CSMD1: variants seen among roughly 807,000 people sequenced by gnomAD.
CSMD1 encodes the protein CUB and sushi domain-containing protein 1.
Under a neutral mutation model 417.5 loss-of-function variants are expected in CSMD1, and 213 were observed. The observed-to-expected ratio is 0.51, with a 90% CI of 0.46 to 0.57. The LOEUF (loss-of-function observed/expected upper bound fraction) is 0.57, where lower values mean the gene tolerates loss of function less well. Ranked by LOEUF, CSMD1 falls within the 20% of genes least tolerant of loss-of-function variation. The probability of loss-of-function intolerance (pLI) is 0.00; values close to 1 mark genes in which losing one functional copy is unlikely to be tolerated. For synonymous variants in CSMD1, 2,862 were observed against 1,736.8 expected, an observed-to-expected ratio of 1.65 and a Z score of -16.11; for missense variants, 6,923 against 4,529.7, an observed-to-expected ratio of 1.53 and a Z score of -15.17.
intron 16 of CSMD1, 83 bp from the exon 17 acceptor site, chr8:3,396,464 C>G (rs981413744): frequency 8.9e-5 from 87 of 981,574 alleles, no homozygotes; most frequent in Middle Eastern, 2.5e-4. Context: ...ATTCCTTAAT[C>G]AGAAACCCAT....
At chr8:3,227,585 T>G (rs1485526228) in intron 27 of CSMD1, among the ~76,000 whole-genome samples, 1 of 152,094 alleles carries the variant, frequency 6.6e-6, no homozygotes, top group Non-Finnish European at 1.5e-5. Context: ...TCAATATTGG[T>G]AGATTCAAAC....
intron 3 of CSMD1, among the ~76,000 whole-genome samples, chr8:4,109,647 T>A (rs1801749598): frequency 6.6e-6 from 1 of 152,280 alleles, no homozygotes; most frequent in African/African-American, 2.4e-5. Flanking sequence ...ATTGGCAACC[T>A]TGTAAGTTTG....
At chr8:3,358,451 G>A (rs556182704) in intron 21 of CSMD1, among the ~76,000 whole-genome samples, 22 of 152,134 alleles carry the variant, frequency 1.4e-4, no homozygotes, top group African/African-American at 4.8e-4. Context: ...AAGCTACAAC[G>A]GCAGTTACGA....
intron 14 of CSMD1, among the ~76,000 whole-genome samples, chr8:3,406,775 A>G (rs552508209): frequency 1.3e-5 from 2 of 152,348 alleles, no homozygotes; most frequent in East Asian, 3.9e-4. Context: ...TCATATTAAT[A>G]TTCTCTCACT....
At chr8:3,913,779 T>C (rs1303437574) in intron 5 of CSMD1, among the ~76,000 whole-genome samples, 1 of 152,094 alleles carries the variant, frequency 6.6e-6, no homozygotes, top group Non-Finnish European at 1.5e-5. Flanking sequence ...GATAAACAAC[T>C]TGTATCTTAA....
At chr8:3,941,152 C>G (rs1044487902) in intron 5 of CSMD1, among the ~76,000 whole-genome samples, 1 of 151,830 alleles carries the variant, frequency 6.6e-6, no homozygotes, top group Non-Finnish European at 1.5e-5. Context: ...GAAATAAAAG[C>G]ACATTTCAAA....
intron 52 of CSMD1, among the ~76,000 whole-genome samples, chr8:3,008,533 G>A (rs1483373444): frequency 6.6e-6 from 1 of 152,200 alleles, no homozygotes; most frequent in Non-Finnish European, 1.5e-5. Flanking sequence ...ACCTTGCTGA[G>A]AGAACAAAAG....
chr8:3,829,967 C>G (rs1281679496), intron 5 of CSMD1, among the ~76,000 whole-genome samples: 2 of 152,000 alleles, frequency 1.3e-5, no homozygotes, highest in Non-Finnish European at 2.9e-5. Flanking sequence ...AAAAATTTTG[C>G]TCATATGTTT....
At chr8:3,891,403 G>C (rs946087530) in intron 5 of CSMD1, among the ~76,000 whole-genome samples, 1 of 152,082 alleles carries the variant, frequency 6.6e-6, no homozygotes, top group African/African-American at 2.4e-5. Flanking sequence ...TCCGAGGCCA[G>C]GTATGGTGGC....
Position 2,978,657 on chromosome 8 carries a change from A to G in CSMD1, c.8521T>C (p.Cys2841Arg). ...FYLLGSSALT[C>R]MANGLWDRSL... Reference sequence around the variant, plus strand: ...CGGTCCCATAAGCCATTTGCCATACAGGTCAAGGCTGAAGATCCCAGCAAG... The same window carrying G: ...CGGTCCCATAAGCCATTTGCCATACGGGTCAAGGCTGAAGATCCCAGCAAG... Residue 2841 changes from cysteine (C) to arginine (R), a missense_variant, in exon 55 of 70, where the codon TGT (cysteine) becomes CGT (arginine). Cys to Arg is a radical substitution (Grantham distance 180, BLOSUM62 -3). Coordinates refer to ENST00000635120, the MANE Select transcript of CSMD1 (RefSeq NM_033225.6). 1 of 1,607,136 alleles carries G rather than the reference A, an allele frequency of 6.2e-7. No homozygotes were observed. The highest frequency in any genetic ancestry group is 8.5e-7 in the Non-Finnish European group (1 of 1,176,646).
At chr8:4,956,807 T>C (rs1809144070) in intron 1 of CSMD1, among the ~76,000 whole-genome samples, 1 of 152,184 alleles carries the variant, frequency 6.6e-6, no homozygotes, top group South Asian at 2.1e-4. Context: ...GATTTTCTCC[T>C]CCCACCTGTT....
At chr8:4,042,567 G>T (rs573062955) in intron 3 of CSMD1, among the ~76,000 whole-genome samples, 8 of 151,906 alleles carry the variant, frequency 5.3e-5, no homozygotes, top group Non-Finnish European at 1.0e-4. Flanking sequence ...TCCAGCGGAA[G>T]GTAATAGCAT....
intron 2 of CSMD1, among the ~76,000 whole-genome samples, chr8:4,457,367 T>C (rs10441634): frequency 0.044 from 6,748 of 152,128 alleles, 393 homozygotes; most frequent in African/African-American, 0.13. Flanking sequence ...GAAGAAGTGA[T>C]TGGGGCTTCC....
chr8:4,463,662 G>T (rs1457648708), intron 2 of CSMD1, among the ~76,000 whole-genome samples: 1 of 152,146 alleles, frequency 6.6e-6, no homozygotes, highest in East Asian at 1.9e-4. Context: ...AACACATTTT[G>T]TACCATTGCA....
At chr8:4,885,304 A>G (rs564607684) in intron 1 of CSMD1, among the ~76,000 whole-genome samples, 1 of 151,780 alleles carries the variant, frequency 6.6e-6, no homozygotes, top group Non-Finnish European at 1.5e-5. Context: ...TCTTTTTTTT[A>G]TTATTCTGGA....
chr8:4,079,401 C>G lies in CSMD1; in HGVS notation c.416-47302G>C, dbSNP rs548067043. Among the ~76,000 whole-genome samples the G allele has an allele frequency of 7.2e-5, 11 of 152,262 alleles. No homozygotes were observed. In the East Asian group the frequency reaches 1.9e-3, roughly 27 times the overall value. On this transcript the variant is annotated intron_variant, in intron 3 of 69. Transcript: ENST00000635120. The stretch of plus-strand genomic sequence containing the variant: ...GGCATTCTATTCAGTTTTGTCATGT[C>G]TATTTTAACTCTGGCTAAAAACAGG...
At chr8:4,218,559 TTGTC>T (rs1481122656) in intron 3 of CSMD1, among the ~76,000 whole-genome samples, 3 of 152,022 alleles carry the variant, frequency 2.0e-5, no homozygotes, top group Non-Finnish European at 4.4e-5. Context: ...CTGAGTCAAG[TTGTC>T]TATGTTCTCT....
chr8:3,592,842 T>C (rs1011724634), intron 8 of CSMD1, among the ~76,000 whole-genome samples: 1 of 151,958 alleles, frequency 6.6e-6, no homozygotes, highest in Non-Finnish European at 1.5e-5. Flanking sequence ...CATCATGAAA[T>C]AGGTGTAAAG....
At chr8:4,024,310 A>G (rs1453959749) in intron 4 of CSMD1, among the ~76,000 whole-genome samples, 3 of 152,220 alleles carry the variant, frequency 2.0e-5, no homozygotes, top group Non-Finnish European at 2.9e-5. Context: ...CAAATTACAT[A>G]AAAGACAATA....
Sources: gnomAD v4.1 joint callset for allele counts (sites outside exome capture counted in the v4.1 genomes callset) on GRCh38, gnomAD v4.1.1 for gene constraint, MANE v1.5 for transcripts, NCBI Gene and HGNC (gene_info 2026-07-23, HGNC 2026-07-21) for gene names.